PRKAR1B: variants seen among roughly 807,000 people sequenced by gnomAD.
The protein encoded by PRKAR1B is cAMP-dependent protein kinase type I-beta regulatory subunit.
Under a neutral mutation model 46.5 loss-of-function variants are expected in PRKAR1B, and 22 were observed. That is an observed-to-expected ratio of 0.47 (90% confidence interval 0.34 to 0.68). The LOEUF (loss-of-function observed/expected upper bound fraction) is 0.68. Ranked by LOEUF, PRKAR1B falls within the 30% of genes least tolerant of loss-of-function variation. PRKAR1B has a pLI of 0.01. For synonymous variants in PRKAR1B, 259 were observed against 217.7 expected (o/e 1.19, Z -1.67); for missense variants, 445 against 535.6 (o/e 0.83, Z 1.67).
intron 7 of PRKAR1B, among the ~76,000 whole-genome samples, chr7:590,936 C>T (rs1014381577): frequency 2.0e-5 from 3 of 152,222 alleles, no homozygotes; most frequent in East Asian, 1.9e-4. Flanking sequence ...GAGAGCGGGC[C>T]GGATGCCCGG....
chr7:711,627 GAAGA>G, intron 1 of PRKAR1B, 100 bp from the exon 2 acceptor site: 1 of 1,079,472 alleles, frequency 9.3e-7, no homozygotes, highest in Non-Finnish European at 1.3e-6. Flanking sequence ...CAGGAGCGTG[GAAGA>G]AAGTCACTGA....
At chr7:649,699 C>T (rs1176016821) in intron 4 of PRKAR1B, among the ~76,000 whole-genome samples, 1 of 152,124 alleles carries the variant, frequency 6.6e-6, no homozygotes, top group African/African-American at 2.4e-5. Flanking sequence ...TCTCAGCCTC[C>T]TGAATAGCTG....
chr7:628,903 G>A lies in PRKAR1B; in HGVS notation c.441-21451C>T, dbSNP rs570499260. ...GCTCAAGGACCCCTCAGGGTTCGTC[G>A]GGGACGGGGTGGAGGTGCCTGCTCT... On this transcript the variant is annotated intron_variant, in intron 4 of 10. Coordinates refer to ENST00000537384, the MANE Select transcript of PRKAR1B (RefSeq NM_001164760.2). Among the ~76,000 whole-genome samples, 3 of 151,948 alleles carry A rather than the reference G, an allele frequency of 2.0e-5. No homozygotes were observed. The South Asian group carries it at 6.2e-4, about 32-fold the overall frequency.
intron 4 of PRKAR1B, among the ~76,000 whole-genome samples, chr7:647,171 C>T (rs1198315280): frequency 6.6e-6 from 1 of 152,218 alleles, no homozygotes; most frequent in African/African-American, 2.4e-5. Flanking sequence ...GCCTGCCCAC[C>T]TCCTCCGGGG....
rs1786423498 is a variant in PRKAR1B at position 673,791 on chromosome 7, G to A, written c.440+3438C>T. 3.9e-5 allele frequency among the ~76,000 whole-genome samples: 6 copies of A among 152,300 alleles called. No individual in the cohort carries two copies. The South Asian group carries it at 1.0e-3, about 26-fold the overall frequency. On this transcript the variant is annotated intron_variant, in intron 4 of 10. Coordinates refer to ENST00000537384, the MANE Select transcript of PRKAR1B (RefSeq NM_001164760.2). ...CAGCAGGTCCTGAAACAACAGAAAC[G>A]TATCGTCTCTGCAGTTCTGGGGCCA... is the stretch of plus-strand genomic sequence containing the variant.
intron 4 of PRKAR1B, among the ~76,000 whole-genome samples, chr7:673,914 C>T (rs1786431816): frequency 6.6e-6 from 1 of 152,206 alleles, no homozygotes; most frequent in African/African-American, 2.4e-5. Context: ...CTTCAGGTGG[C>T]TGCGGCCCTC....
chr7:585,543 C>T (rs1213829506), intron 7 of PRKAR1B, among the ~76,000 whole-genome samples: 5 of 151,974 alleles, frequency 3.3e-5, no homozygotes, highest in East Asian at 1.9e-4. Flanking sequence ...GACCGAGAGA[C>T]GACATGCTAG....
intron 2 of PRKAR1B, among the ~76,000 whole-genome samples, chr7:709,148 A>G (rs1355727238): frequency 6.8e-6 from 1 of 146,506 alleles, no homozygotes; most frequent in Admixed American, 6.8e-5. Context: ...AAACAACTCA[A>G]TTGTCCATTC....
intron 9 of PRKAR1B, among the ~76,000 whole-genome samples, chr7:555,283 C>T (rs183276386): frequency 1.2e-4 from 19 of 152,240 alleles, no homozygotes; most frequent in Non-Finnish European, 2.5e-4. Context: ...GGAGCCCCCA[C>T]GGGGCTGCTG....
chr7:646,738 C>T (rs565342334), intron 4 of PRKAR1B, among the ~76,000 whole-genome samples: 98 of 152,332 alleles, frequency 6.4e-4, no homozygotes, highest in Middle Eastern at 6.8e-3. Flanking sequence ...CAGCATCCTA[C>T]GACGGGGCCG....
intron 9 of PRKAR1B, among the ~76,000 whole-genome samples, chr7:559,739 T>C (rs1778670401): frequency 6.6e-6 from 1 of 152,198 alleles, no homozygotes; most frequent in African/African-American, 2.4e-5. Flanking sequence ...CCAAGTCCCT[T>C]ATGTGAAGTT....
At chr7:617,474 A>C (rs1782893503) in intron 4 of PRKAR1B, among the ~76,000 whole-genome samples, 1 of 151,978 alleles carries the variant, frequency 6.6e-6, no homozygotes, top group African/African-American at 2.4e-5. Flanking sequence ...CCAACTAACG[A>C]AGTGCCATTT....
intron 2 of PRKAR1B, among the ~76,000 whole-genome samples, chr7:684,782 A>C (rs1023900175): frequency 6.6e-6 from 1 of 152,110 alleles, no homozygotes; most frequent in African/African-American, 2.4e-5. Flanking sequence ...AGACAGAGTA[A>C]TACAATGAAT....
At position 608,829 on chromosome 7, in the gene PRKAR1B, G is replaced by A. The variant is rs371666432; in HGVS notation, c.441-1377C>T. Among the ~76,000 whole-genome samples the A allele has an allele frequency of 6.4e-4, 15 of 23,342 alleles. 1 individual carries two copies. In the East Asian group the frequency reaches 0.011, roughly 17 times the overall value. The allele number at this position is 23,342 out of a possible 152,430, so 15.3% of individuals were successfully genotyped here. A position where few individuals can be genotyped will look rare whatever the true frequency, so the allele number is the denominator to read the frequency against. ...GCAGGGCTGTAGGGAGGGCCGGGGG[G>A]CCTCCACTGTCCTCCCACCTGGGGA... On this transcript the variant is annotated intron_variant, in intron 4 of 10. Coordinates refer to ENST00000537384, the MANE Select transcript of PRKAR1B (RefSeq NM_001164760.2).
At chr7:726,280 A>G (rs1194684170) in intron 1 of PRKAR1B, among the ~76,000 whole-genome samples, 1 of 152,210 alleles carries the variant, frequency 6.6e-6, no homozygotes, top group Non-Finnish European at 1.5e-5. Flanking sequence ...CCACAGAACC[A>G]GCGTCCTTCC....
intron 2 of PRKAR1B, among the ~76,000 whole-genome samples, chr7:700,828 A>C (rs1015101599): frequency 2.0e-5 from 3 of 152,210 alleles, no homozygotes; most frequent in African/African-American, 7.2e-5. Flanking sequence ...GATCATTTGC[A>C]GAATGGATAT....
intron 9 of PRKAR1B, among the ~76,000 whole-genome samples, chr7:559,356 G>A (rs182319239): frequency 6.6e-6 from 1 of 152,340 alleles, no homozygotes; most frequent in East Asian, 1.9e-4. Context: ...AGAGGGGCTG[G>A]TGCCACGGCT....
intron 4 of PRKAR1B, among the ~76,000 whole-genome samples, chr7:614,097 C>A (rs1375063445): frequency 6.6e-6 from 1 of 152,220 alleles, no homozygotes. Flanking sequence ...TGACAGACGC[C>A]TGCAGACTCC....
chr7:685,892 T>C (rs947605660), intron 2 of PRKAR1B, among the ~76,000 whole-genome samples: 4 of 152,178 alleles, frequency 2.6e-5, no homozygotes, highest in African/African-American at 9.7e-5. Context: ...TTAAAAAATA[T>C]ATAAATATTA....
Sources: allele counts gnomAD v4.1 joint callset (sites outside exome capture counted in the v4.1 genomes callset), GRCh38; gene constraint gnomAD v4.1.1; transcripts MANE v1.5; gene names NCBI Gene and HGNC (gene_info 2026-07-23, HGNC 2026-07-21).